Variants in DOP1A observed in about 807,000 individuals in gnomAD.
DOP1A encodes the protein protein DOP1A.
In DOP1A, 90 loss-of-function variants were observed where a neutral mutation model predicts 267.6. The ratio of observed to expected loss-of-function variants is 0.34; its 90% confidence interval spans 0.28 to 0.40. The LOEUF (loss-of-function observed/expected upper bound fraction) is 0.40. Ranked by LOEUF, DOP1A falls within the 10% of genes least tolerant of loss-of-function variation. The pLI, the probability that DOP1A is intolerant of heterozygous loss-of-function variation, is 1.00. For synonymous variants in DOP1A, 932 were observed against 999.1 expected, an observed-to-expected ratio of 0.93 and a Z score of 1.27; for missense variants, 2,437 against 2,900.4, an observed-to-expected ratio of 0.84 and a Z score of 3.67.
intron 33 of DOP1A, 173 bp downstream of exon 33, chr6:83,154,414 T>C: frequency 1.6e-6 from 1 of 612,790 alleles, no homozygotes; most frequent in Non-Finnish European, 2.8e-6. Flanking sequence ...TATGGGAATA[T>C]AATCTTAAAA....
Position 83,124,758 on chromosome 6 carries a change from C to A in DOP1A, c.1394C>A (p.Ser465Tyr). The A allele has an allele frequency of 1.9e-5, 30 of 1,613,296 alleles. No individual in the cohort carries two copies. The highest frequency in any genetic ancestry group is 2.5e-5 in the Non-Finnish European group (30 of 1,179,576). Residue 465 changes from serine (S) to tyrosine (Y), a missense_variant, in exon 13 of 39, where the codon TCT becomes TAT. Ser to Tyr is a moderately radical substitution (Grantham distance 144, BLOSUM62 -2). This residue lies in a region of DOP1A where 498 missense variants were observed against 513.5 expected (regional missense o/e 0.97). Coordinates refer to ENST00000349129, the MANE Select transcript of DOP1A (RefSeq NM_015018.4). ...QIGPGDSNDS[S>Y]ELQLTNFCLL... ...GGACCTGGAGATAGTAATGACTCAT[C>A]TGAATTACAGCTGACCAATTTCTGC...
At chr6:83,097,235 T>C (rs1006024576) in intron 3 of DOP1A, 120 bp downstream of exon 3, 12 of 1,115,368 alleles carry the variant, frequency 1.1e-5, no homozygotes, top group Non-Finnish European at 1.5e-5. Flanking sequence ...CTTAGATTAC[T>C]CTTGGTAGTG....
In DOP1A at chr6:83,130,132, A is replaced by C. The variant is rs370731099; in HGVS notation, c.2351A>C (p.His784Pro). Residue 784 changes from histidine (H) to proline (P), a missense_variant, in exon 17 of 39, where the codon CAT becomes CCT. His to Pro is a moderately conservative substitution (Grantham distance 77). Coordinates refer to ENST00000349129, the MANE Select transcript of DOP1A (RefSeq NM_015018.4). ...CCATCTTTTGTTTCAGACTGTGAGC[A>C]TGTGCAGCCTCCACAGTGGCTCCAG... ...RSEKLETDCE[H>P]VQPPQWLQTL... 3 of 1,613,736 alleles carry C rather than the reference A, an allele frequency of 1.9e-6. No individual in the cohort carries two copies. Among genetic ancestry groups the C allele is most frequent in the East Asian group, 2.2e-5 (1 of 44,862 alleles).
chr6:83,130,755 T>G (rs1308658006), intron 17 of DOP1A, among the ~76,000 whole-genome samples: 1 of 152,040 alleles, frequency 6.6e-6, no homozygotes, highest in East Asian at 1.9e-4. Context: ...TTTTCTTTTT[T>G]TTTTTGAGAC....
At chr6:83,091,572 A>G (rs948186433) in intron 1 of DOP1A, among the ~76,000 whole-genome samples, 1 of 152,204 alleles carries the variant, frequency 6.6e-6, no homozygotes, top group African/African-American at 2.4e-5. Flanking sequence ...CCTTACAGAC[A>G]TAGCTGGTCA....
intron 31 of DOP1A, 77 bp downstream of exon 31, chr6:83,153,697 T>G: frequency 7.9e-7 from 1 of 1,273,390 alleles, no homozygotes; most frequent in East Asian, 2.5e-5. Context: ...TTATTGCCAT[T>G]TCTAGAATTA....
chr6:83,094,066 T>G (rs1770996707), intron 1 of DOP1A, among the ~76,000 whole-genome samples: 1 of 152,156 alleles, frequency 6.6e-6, no homozygotes, highest in Non-Finnish European at 1.5e-5. Context: ...TTCCCACCAA[T>G]TCCTCTTTTC....
rs1352418635 is a variant in DOP1A at position 83,141,355 on chromosome 6, G to C, written c.5416-566G>C. 3.3e-5 allele frequency among the ~76,000 whole-genome samples: 5 copies of C among 151,890 alleles called. No individual in the cohort carries two copies. In the East Asian group the frequency reaches 9.6e-4, roughly 29 times the overall value. Reference sequence around the variant, plus strand: ...GATTTTTAAATTTTTTTTCTTCCTTGCACTCTGATATTTTCCAAATGCTGT... The same window carrying C: ...GATTTTTAAATTTTTTTTCTTCCTTCCACTCTGATATTTTCCAAATGCTGT... On this transcript the variant is annotated intron_variant, in intron 23 of 38. Coordinates refer to ENST00000349129, the MANE Select transcript of DOP1A (RefSeq NM_015018.4).
Position 83,101,884 on chromosome 6 carries a change from G to A in DOP1A, c.320+998G>A, listed in dbSNP as rs188347044. Among the ~76,000 whole-genome samples the A allele has an allele frequency of 5.3e-5, 8 of 152,272 alleles. No individual in the cohort carries two copies. In the South Asian group the frequency reaches 8.3e-4, roughly 16 times the overall value. On this transcript the variant is annotated intron_variant, in intron 4 of 38. Coordinates refer to ENST00000349129, the MANE Select transcript of DOP1A (RefSeq NM_015018.4). ...CCTATTTTTTGTGTATGTGGCAGGA[G>A]CAGTTAAAATCTATTTAGTAAAAAT...
In DOP1A at chr6:83,168,057, C is replaced by T. The variant is rs1471619084; in HGVS notation, c.7288C>T (p.Pro2430Ser). 3 of 1,614,018 alleles carry T rather than the reference C, an allele frequency of 1.9e-6. No homozygotes were observed. The African/African-American group carries it at 4.0e-5, about 22-fold the overall frequency. The change falls in exon 39 of 39, where the codon CCT becomes TCT. Residue 2430 changes from proline to serine, a missense_variant. Physicochemically the swap from Pro to Ser is moderately conservative, Grantham distance 74. This residue lies in a region of DOP1A where 197 missense variants were observed against 246.5 expected (regional missense o/e 0.80). Coordinates refer to ENST00000349129, the MANE Select transcript of DOP1A (RefSeq NM_015018.4). ...TCCTATCCTCTACTCAAATGCCTTC[C>T]CTAATAAGGACATGAAACTGGAGAA... ...GSPILYSNAF[P>S]NKDMKLENHK...
intron 14 of DOP1A, 107 bp downstream of exon 14, chr6:83,125,302 T>A: frequency 8.3e-7 from 1 of 1,201,950 alleles, no homozygotes; most frequent in Non-Finnish European, 1.2e-6. Context: ...TAATATATGC[T>A]TTGAAGTATT....
At chr6:83,125,443 A>G (rs1038812580) in intron 14 of DOP1A, 57 bp from the exon 15 acceptor site, 2 of 1,502,318 alleles carry the variant, frequency 1.3e-6, no homozygotes, top group South Asian at 2.3e-5. Context: ...AGATTAAAAA[A>G]TGTAACTTTT....
chr6:83,095,720 T>C (rs1051228660), intron 1 of DOP1A, among the ~76,000 whole-genome samples: 1 of 152,180 alleles, frequency 6.6e-6, no homozygotes, highest in Non-Finnish European at 1.5e-5. Flanking sequence ...ACTTAGCTCA[T>C]GTATTCCTGG....
chr6:83,097,746 C>A (rs1177805261), intron 3 of DOP1A, among the ~76,000 whole-genome samples: 1 of 151,490 alleles, frequency 6.6e-6, no homozygotes, highest in Non-Finnish European at 1.5e-5. Context: ...TACTGCATAC[C>A]CATAGTTAAG....
intron 1 of DOP1A, among the ~76,000 whole-genome samples, chr6:83,077,108 G>A (rs570622696): frequency 6.6e-6 from 1 of 152,272 alleles, no homozygotes; most frequent in Admixed American, 6.5e-5. Context: ...TTGTTTAATG[G>A]GTATAGAGTT....
In DOP1A at chr6:83,135,741, T is replaced by A. The variant is rs1778777871; in HGVS notation, c.2993T>A (p.Leu998Gln). Residue 998 changes from leucine to glutamine, a missense_variant, in exon 20 of 39, where the codon CTA becomes CAA. Around this residue, in one of 9 missense-constraint regions of DOP1A, gnomAD observed 878 missense variants for 992.9 expected, o/e 0.88. Transcript: ENST00000349129. ...HDIARVLEPL[L>Q]LLLLHPKTQR... ...ATTGCACGAGTTTTGGAACCATTGCTATTGCTCCTGCTTCATCCAAAAACT... is the reference window on the plus strand; with the variant it reads ...ATTGCACGAGTTTTGGAACCATTGCAATTGCTCCTGCTTCATCCAAAAACT... The A allele has an allele frequency of 6.2e-7, 1 of 1,613,636 alleles. No individual in the cohort carries two copies. Among genetic ancestry groups the A allele is most frequent in the Non-Finnish European group, 8.5e-7 (1 of 1,179,742 alleles).
At chr6:83,095,732 T>C (rs1360362325) in intron 1 of DOP1A, among the ~76,000 whole-genome samples, 1 of 152,224 alleles carries the variant, frequency 6.6e-6, no homozygotes, top group African/African-American at 2.4e-5. Flanking sequence ...TATTCCTGGC[T>C]TCGGGTAACT....
chr6:83,126,444 A>G (rs1337766974), intron 15 of DOP1A, among the ~76,000 whole-genome samples: 1 of 152,070 alleles, frequency 6.6e-6, no homozygotes. Flanking sequence ...TCCTGCTGCT[A>G]TCACTATGCT....
intron 4 of DOP1A, among the ~76,000 whole-genome samples, chr6:83,106,661 T>G (rs1159412741): frequency 2.0e-5 from 3 of 151,958 alleles, no homozygotes; most frequent in African/African-American, 4.8e-5. Context: ...AATACAAAAA[T>G]TAGCCTGGTG....
Sources: allele counts gnomAD v4.1 joint callset (sites outside exome capture counted in the v4.1 genomes callset), GRCh38; gene constraint gnomAD v4.1.1; regional missense constraint gnomAD v4.1.1; transcripts MANE v1.5; gene names NCBI Gene and HGNC (gene_info 2026-07-23, HGNC 2026-07-21).